The following PIN4 variants were observed in gnomAD, a reference collection of about 807,000 sequenced individuals.
PIN4 encodes the protein peptidylprolyl cis/trans isomerase, NIMA-interacting 4.
A neutral mutation model predicts 8.3 loss-of-function variants in PIN4; 3 were observed. The observed-to-expected ratio is 0.36, with a 90% CI of 0.16 to 0.93. The LOEUF is 0.93. Ranked by LOEUF, PIN4 falls within the 40% of genes least tolerant of loss-of-function variation. The pLI is 0.44. For missense variants in PIN4, 75 were observed against 100.6 expected (o/e 0.75, Z 1.09); for synonymous variants, 18 against 32.5 (o/e 0.55, Z 1.52).
chrX:72,257,116 C>G (rs2043114548), intron 3 of PIN4, among the ~76,000 whole-genome samples: 1 of 111,141 alleles, frequency 9.0e-6, no homozygotes, highest in Admixed American at 9.6e-5. Context: ...GTCAGGAGAT[C>G]GAGACCATCC....
At chrX:72,228,856 G>A (rs368354155) in intron 3 of PIN4, among the ~76,000 whole-genome samples, 1 of 110,679 alleles carries the variant, frequency 9.0e-6, no homozygotes, top group Non-Finnish European at 1.9e-5. Context: ...CTCTTGCTGC[G>A]AACTAACTCT....
intron 2 of PIN4, 62 bp downstream of exon 2, chrX:72,186,596 A>C: frequency 1.4e-6 from 1 of 730,995 alleles, no homozygotes. Flanking sequence ...GTTAGTACAC[A>C]TAAAAGACAG....
intron 3 of PIN4, among the ~76,000 whole-genome samples, chrX:72,216,705 G>T (rs1467264118): frequency 9.0e-6 from 1 of 110,972 alleles, no homozygotes; most frequent in Non-Finnish European, 1.9e-5. Context: ...AGATAACCTT[G>T]GGCTAGAAGA....
In PIN4 at chrX:72,253,784, A is replaced by T. The variant is rs182507175; in HGVS notation, c.313-8923A>T. On this transcript the variant is annotated intron_variant, in intron 3 of 3. Transcript: ENST00000423432. ...ACACCATCTCTACAAAAAAAAAAAC[A>T]AAAGAAAACAAAACAAAACAAAAAA... Among the ~76,000 whole-genome samples the T allele has an allele frequency of 4.4e-3, 473 of 108,376 alleles. 2 individuals carry two copies. The highest frequency in any genetic ancestry group is 0.015 in the African/African-American group (437 of 29,814). 94.1% of individuals were successfully genotyped at this position (108,376 alleles called of 115,157 possible). A position where few individuals can be genotyped will look rare whatever the true frequency, so the allele number is the denominator to read the frequency against.
chrX:72,232,806 G>A (rs766620055), intron 3 of PIN4, among the ~76,000 whole-genome samples: 17 of 111,038 alleles, frequency 1.5e-4, no homozygotes, highest in South Asian at 3.8e-4. Flanking sequence ...GCGAAACTCC[G>A]TCTCAGAAAA....
intron 3 of PIN4, among the ~76,000 whole-genome samples, chrX:72,211,694 A>C (rs1283973428): frequency 9.0e-6 from 1 of 110,608 alleles, no homozygotes; most frequent in Non-Finnish European, 1.9e-5. Context: ...TGAGGCAAGA[A>C]GTTCGCTTCA....
At chrX:72,214,024 A>C (rs758591642) in intron 3 of PIN4, among the ~76,000 whole-genome samples, 1 of 112,488 alleles carries the variant, frequency 8.9e-6, no homozygotes, top group Non-Finnish European at 1.9e-5. Flanking sequence ...TAGACACAAC[A>C]GATGTCTTTT....
chrX:72,261,417 C>T (rs2043139719), intron 3 of PIN4, among the ~76,000 whole-genome samples: 1 of 111,591 alleles, frequency 9.0e-6, no homozygotes, highest in South Asian at 3.7e-4. Flanking sequence ...AGACCTAGTG[C>T]TATTAGGCAA....
intron 3 of PIN4, among the ~76,000 whole-genome samples, chrX:72,258,290 A>C (rs2043121807): frequency 8.9e-6 from 1 of 111,981 alleles, no homozygotes; most frequent in Non-Finnish European, 1.9e-5. Flanking sequence ...CGGATGAAGC[A>C]GGTCATAACT....
intron 3 of PIN4, among the ~76,000 whole-genome samples, chrX:72,209,859 G>A (rs2042842462): frequency 9.0e-6 from 1 of 111,558 alleles, no homozygotes; most frequent in Admixed American, 9.6e-5. Flanking sequence ...TGGGGAAGAA[G>A]TCTTTTCAAC....
At chrX:72,241,804 C>T (rs1342726404) in intron 3 of PIN4, among the ~76,000 whole-genome samples, 3 of 92,593 alleles carry the variant, frequency 3.2e-5, no homozygotes, top group East Asian at 5.1e-4. Flanking sequence ...GCAACAAGAG[C>T]GAAACTCCGT....
intron 2 of PIN4, among the ~76,000 whole-genome samples, chrX:72,193,938 T>C (rs1032954017): frequency 9.0e-6 from 1 of 111,511 alleles, no homozygotes; most frequent in Non-Finnish European, 1.9e-5. Context: ...TTTTGTACAG[T>C]TGCACAATGT....
At chrX:72,251,423 G>A (rs926280324) in intron 3 of PIN4, among the ~76,000 whole-genome samples, 5 of 108,363 alleles carry the variant, frequency 4.6e-5, no homozygotes, top group Non-Finnish European at 9.5e-5. Context: ...TGGAATTGTT[G>A]GGTCAAAGTG....
At chrX:72,231,056 A>G (rs199526309) in intron 3 of PIN4, among the ~76,000 whole-genome samples, 1 of 112,302 alleles carries the variant, frequency 8.9e-6, no homozygotes, top group East Asian at 2.8e-4. Flanking sequence ...CATATGATCC[A>G]GCAATCTCAC....
intron 2 of PIN4, among the ~76,000 whole-genome samples, chrX:72,190,140 G>A (rs938341273): frequency 4.5e-5 from 5 of 111,090 alleles, no homozygotes; most frequent in Non-Finnish European, 9.4e-5. Context: ...TAGGCTTCAT[G>A]TTTGTTTTCC....
At chrX:72,209,942 T>G (rs1236419975) in intron 3 of PIN4, among the ~76,000 whole-genome samples, 1 of 110,582 alleles carries the variant, frequency 9.0e-6, no homozygotes, top group Non-Finnish European at 1.9e-5. Context: ...TCAAAATGGA[T>G]CATAGATCTA....
At chrX:72,200,093 G>C (rs986744088), downstream of PIN4, among the ~76,000 whole-genome samples, 1 of 108,834 alleles carries the variant, frequency 9.2e-6, no homozygotes, top group Non-Finnish European at 1.9e-5. Flanking sequence ...TTCAACCTGG[G>C]AGGTGGAGGT....
intron 1 of PIN4, among the ~76,000 whole-genome samples, chrX:72,185,247 C>G (rs2042696955): frequency 9.1e-6 from 1 of 110,191 alleles, no homozygotes; most frequent in Admixed American, 9.7e-5. Flanking sequence ...ATGCCCTGAC[C>G]CTCAGCTACC....
chrX:72,252,855 A>G (rs1429475942), intron 3 of PIN4, among the ~76,000 whole-genome samples: 3 of 111,927 alleles, frequency 2.7e-5, no homozygotes, highest in Non-Finnish European at 5.6e-5. Flanking sequence ...AACAGCAGGT[A>G]TCTTACCATG....
Sources: gnomAD v4.1 joint callset for allele counts (sites outside exome capture counted in the v4.1 genomes callset) on GRCh38, gnomAD v4.1.1 for gene constraint, MANE v1.5 for transcripts, NCBI Gene and HGNC (gene_info 2026-07-23, HGNC 2026-07-21) for gene names.